Variants in PRPF3 observed in about 807,000 individuals in gnomAD.
The protein encoded by PRPF3 is U4/U6 small nuclear ribonucleoprotein Prp3.
Under a neutral mutation model 89.2 loss-of-function variants are expected in PRPF3, and 3 were observed. The observed-to-expected ratio is 0.03, with a 90% confidence interval of 0.02 to 0.09. The LOEUF (loss-of-function observed/expected upper bound fraction) is 0.09. Among genes scored for constraint, PRPF3 ranks in the 10% least tolerant of loss-of-function variants. The pLI is 1.00. For missense variants in PRPF3, 463 were observed against 828.8 expected (o/e 0.56, Z 5.42); for synonymous variants, 270 against 289.1 (o/e 0.93, Z 0.67).
intron 9 of PRPF3, among the ~76,000 whole-genome samples, chr1:150,341,837 T>C (rs1657774261): frequency 6.6e-6 from 1 of 151,494 alleles, no homozygotes. Flanking sequence ...CGGAGTAGCT[T>C]GGATTATAGG....
rs1185909509 is a variant in PRPF3, at chr1:150,348,460, A to AT, written c.1844-678dup. ...AAAAAATATTTTGTTCTACACGTGC[A>AT]TTTTTTTTTTTTTTTTTTTGAGATG... On this transcript the variant is annotated intron_variant, in intron 14 of 15. Transcript: ENST00000324862. Among the ~76,000 whole-genome samples, 100 of 48,462 alleles carry AT rather than the reference A, an allele frequency of 2.1e-3. 16 individuals are homozygous for AT. Among genetic ancestry groups the AT allele is most frequent in the Admixed American group, 4.3e-3 (12 of 2,820 alleles). The allele number at this position is 48,462 out of a possible 152,430, so 31.8% of individuals were successfully genotyped here.
At chr1:150,351,630 A>G (rs969654026) in intron 15 of PRPF3, among the ~76,000 whole-genome samples, 1 of 142,928 alleles carries the variant, frequency 7.0e-6, no homozygotes, top group Non-Finnish European at 1.5e-5. Flanking sequence ...CTTCTCAAGT[A>G]TCTGAGACCT....
At chr1:150,322,419 A>G (rs1203918547) in intron 1 of PRPF3, among the ~76,000 whole-genome samples, 1 of 152,254 alleles carries the variant, frequency 6.6e-6, no homozygotes. Flanking sequence ...AAGGGCTTGT[A>G]AATGGTGGGG....
chr1:150,337,844 G>A (rs1553868551), intron 7 of PRPF3, among the ~76,000 whole-genome samples: 1 of 152,052 alleles, frequency 6.6e-6, no homozygotes, highest in African/African-American at 2.4e-5. Context: ...GGAGGCCGAG[G>A]CGGGCAGATC....
In PRPF3 at chr1:150,346,410, C is replaced by T. The variant is rs1553872958; in HGVS notation, c.1762C>T (p.Pro588Ser). 1 of 1,613,646 alleles carries T rather than the reference C, an allele frequency of 6.2e-7. No individual in the cohort carries two copies. The highest frequency in any genetic ancestry group is 2.2e-5 in the East Asian group (1 of 44,880). The change falls in exon 14 of 16, where the codon CCC (proline) becomes TCC (serine). Residue 588 changes from proline (P) to serine (S), a missense_variant and splice_region_variant. Coordinates refer to ENST00000324862, the MANE Select transcript of PRPF3 (RefSeq NM_004698.4). ...DVNVVVVEGGPKAQKKFKRLM... is the reference protein window; with the variant it reads ...DVNVVVVEGGSKAQKKFKRLM... The stretch of plus-strand genomic sequence containing the variant: ...AAATTATTCTTCTCTGTTTCCAGGC[C>T]CCAAGGCCCAGAAGAAATTTAAGCG...
intron 15 of PRPF3, among the ~76,000 whole-genome samples, chr1:150,352,131 C>T (rs934067502): frequency 1.3e-4 from 20 of 152,202 alleles, no homozygotes; most frequent in Non-Finnish European, 2.1e-4. Context: ...TTCTGTTCCC[C>T]GCCCCCAGTT....
chr1:150,352,878 T>C lies in PRPF3; in HGVS notation c.1951T>C (p.Cys651Arg). 1 of 1,614,210 alleles carries C rather than the reference T, an allele frequency of 6.2e-7. No individual in the cohort carries two copies. The highest frequency in any genetic ancestry group is 8.5e-7 in the Non-Finnish European group (1 of 1,180,028). Residue 651 changes from cysteine (C) to arginine (R), a missense_variant, in exon 16 of 16, where the codon TGT (cysteine) becomes CGT (arginine). By Grantham distance (180) the Cys-to-Arg change is radical. Coordinates refer to ENST00000324862, the MANE Select transcript of PRPF3 (RefSeq NM_004698.4). ...RSFGEMKFKQCPTENMAREHF... is the reference protein window; with the variant it reads ...RSFGEMKFKQRPTENMAREHF... ...CTTTGGAGAGATGAAGTTTAAACAG[T>C]GTCCTACAGAGAACATGGCTCGTGA...
chr1:150,344,380 G>A, intron 11 of PRPF3, 54 bp from the exon 12 acceptor site: 1 of 1,614,126 alleles, frequency 6.2e-7, no homozygotes, highest in Non-Finnish European at 8.5e-7. Context: ...CCTCAGCCCT[G>A]CCTCTGATCT....
At chr1:150,337,040 C>CCTT (rs782299876) in intron 7 of PRPF3, among the ~76,000 whole-genome samples, 1 of 121,270 alleles carries the variant, frequency 8.2e-6, no homozygotes, top group African/African-American at 3.1e-5. Flanking sequence ...CATAAAATTC[C>CCTT]TTTTTTTTTT....
intron 14 of PRPF3, among the ~76,000 whole-genome samples, chr1:150,347,477 T>C (rs1308491661): frequency 6.6e-6 from 1 of 152,136 alleles, no homozygotes; most frequent in Non-Finnish European, 1.5e-5. Context: ...ACACTTATAA[T>C]CTGAGCACTT....
chr1:150,331,018 G>C (rs587690189), intron 4 of PRPF3, among the ~76,000 whole-genome samples: 1 of 151,532 alleles, frequency 6.6e-6, no homozygotes, highest in East Asian at 2.0e-4. Context: ...GGCCCAGCCT[G>C]TAATTTTTCA....
At chr1:150,325,194 G>A in intron 2 of PRPF3, 107 bp downstream of exon 2, 1 of 1,361,900 alleles carries the variant, frequency 7.3e-7, no homozygotes, top group South Asian at 1.3e-5. Flanking sequence ...AAAATGGCAG[G>A]CCATATTTTA....
chr1:150,345,943 C>A, intron 12 of PRPF3, 75 bp from the exon 13 acceptor site: 1 of 1,154,736 alleles, frequency 8.7e-7, no homozygotes, highest in Non-Finnish European at 1.3e-6. Context: ...TTGGATTCAT[C>A]TTTTTACTTG....
At chr1:150,349,123 C>G in intron 14 of PRPF3, 34 bp from the exon 15 acceptor site, 2 of 1,575,468 alleles carry the variant, frequency 1.3e-6, no homozygotes, top group Non-Finnish European at 1.7e-6. Context: ...ACCTGAATCT[C>G]AAGTCTAAGT....
intron 1 of PRPF3, among the ~76,000 whole-genome samples, chr1:150,324,021 C>T (rs1437003753): frequency 5.9e-5 from 9 of 152,026 alleles, no homozygotes; most frequent in African/African-American, 1.9e-4. Context: ...CCTCGTGATC[C>T]ACCTGCCTCA....
At position 150,347,102 on chromosome 1, in the gene PRPF3, AAAAGC is replaced by A. The variant is rs2102019182; in HGVS notation, c.1843+615_1843+619del. Among the ~76,000 whole-genome samples the A allele has an allele frequency of 1.3e-5, 2 of 152,234 alleles. 1 individual carries two copies. Among genetic ancestry groups the A allele is most frequent in the South Asian group, 4.1e-4 (2 of 4,822 alleles). On this transcript the variant is annotated intron_variant, in intron 14 of 15. Transcript: ENST00000324862. ...ATGAGACCCTGTCTCAAAAAAAAGA[AAAAGC>A]AAATCTAGTAAGCTATACATTCATG... is the stretch of plus-strand genomic sequence containing the variant.
chr1:150,350,359 G>A (rs969034979), intron 15 of PRPF3, among the ~76,000 whole-genome samples: 1 of 151,902 alleles, frequency 6.6e-6, no homozygotes, highest in Non-Finnish European at 1.5e-5. Flanking sequence ...GAGCCACCAC[G>A]CCTGGCTAAT....
chr1:150,341,285 T>C (rs73015081), intron 9 of PRPF3, among the ~76,000 whole-genome samples: 7,171 of 151,952 alleles, frequency 0.047, 430 homozygotes, highest in African/African-American at 0.13. Flanking sequence ...GCCAAACTCT[T>C]GGGTTGGTGT....
At chr1:150,328,204 A>G in intron 3 of PRPF3, 116 bp from the exon 4 acceptor site, 2 of 1,266,340 alleles carry the variant, frequency 1.6e-6, no homozygotes, top group Non-Finnish European at 2.3e-6. Flanking sequence ...GCTATTTGCA[A>G]GGTTGTGTCA....
Sources: allele counts gnomAD v4.1 joint callset (sites outside exome capture counted in the v4.1 genomes callset), GRCh38; gene constraint gnomAD v4.1.1; transcripts MANE v1.5; gene names NCBI Gene and HGNC (gene_info 2026-07-23, HGNC 2026-07-21).